The following ADAMTS3 variants were observed in gnomAD, a reference collection of about 807,000 sequenced individuals.
ADAMTS3 encodes the protein A disintegrin and metalloproteinase with thrombospondin motifs 3.
In ADAMTS3, 73 loss-of-function variants were observed where a neutral mutation model predicts 129.0. That is an observed-to-expected ratio of 0.57 (90% confidence interval 0.47 to 0.69). The LOEUF (loss-of-function observed/expected upper bound fraction) is 0.69, where lower values mean the gene tolerates loss of function less well. ADAMTS3 is among the 30% of genes least tolerant of loss of function. The pLI, the probability that ADAMTS3 is intolerant of heterozygous loss-of-function variation, is 0.00. For missense variants in ADAMTS3, 1,457 were observed against 1,514.5 expected, an observed-to-expected ratio of 0.96 and a Z score of 0.63; for synonymous variants, 477 against 510.8, an observed-to-expected ratio of 0.93 and a Z score of 0.89.
intron 3 of ADAMTS3, among the ~76,000 whole-genome samples, chr4:72,451,900 CAA>C (rs1718416920): frequency 6.6e-6 from 1 of 151,696 alleles, no homozygotes; most frequent in South Asian, 2.1e-4. Context: ...AGTTTAAGAG[CAA>C]CCAAAGCAAC....
At chr4:72,519,930 C>G (rs1160453612) in intron 3 of ADAMTS3, among the ~76,000 whole-genome samples, 1 of 152,126 alleles carries the variant, frequency 6.6e-6, no homozygotes, top group Non-Finnish European at 1.5e-5. Flanking sequence ...TTTAGAGTTT[C>G]CAGTTTTTCT....
intron 3 of ADAMTS3, among the ~76,000 whole-genome samples, chr4:72,466,101 A>T (rs977329399): frequency 2.6e-5 from 4 of 152,124 alleles, no homozygotes; most frequent in Admixed American, 6.6e-5. Flanking sequence ...ATAAAAAGGT[A>T]GAATGTGATA....
At chr4:72,372,243 A>G (rs1721028017) in intron 4 of ADAMTS3, among the ~76,000 whole-genome samples, 1 of 152,132 alleles carries the variant, frequency 6.6e-6, no homozygotes, top group African/African-American at 2.4e-5. Flanking sequence ...ATGAAGTAGA[A>G]TTGCAGAAAT....
intron 4 of ADAMTS3, among the ~76,000 whole-genome samples, chr4:72,401,822 A>C (rs991219839): frequency 6.6e-6 from 1 of 152,122 alleles, no homozygotes; most frequent in African/African-American, 2.4e-5. Flanking sequence ...ACAATGCTTG[A>C]AGTAAGCATT....
intron 3 of ADAMTS3, among the ~76,000 whole-genome samples, chr4:72,457,412 T>A (rs552258032): frequency 6.6e-6 from 1 of 151,810 alleles, no homozygotes; most frequent in East Asian, 1.9e-4. Flanking sequence ...CAGAAAGGAA[T>A]GAGAACTACC....
rs566106839 is a variant in ADAMTS3, at chr4:72,316,425, C to T, written c.1486-454G>A. 3.9e-5 allele frequency among the ~76,000 whole-genome samples: 6 copies of T among 152,184 alleles called. No homozygotes were observed. In the East Asian group the frequency reaches 1.2e-3, roughly 29 times the overall value. On this transcript the variant is annotated intron_variant, in intron 10 of 21. Transcript: ENST00000286657. Reference sequence around the variant, plus strand: ...AAAGGGCTGGGCACAGTGGCTCATGCCTGTAATCCCAGCACTTTGGGAGGC... The same window carrying T: ...AAAGGGCTGGGCACAGTGGCTCATGTCTGTAATCCCAGCACTTTGGGAGGC...
intron 3 of ADAMTS3, among the ~76,000 whole-genome samples, chr4:72,436,241 G>T (rs1199000602): frequency 4.6e-5 from 7 of 152,100 alleles, no homozygotes; most frequent in East Asian, 3.9e-4. Context: ...GCAGCCAAAA[G>T]ACACATGAAA....
intron 2 of ADAMTS3, among the ~76,000 whole-genome samples, chr4:72,558,413 C>T (rs898948922): frequency 6.6e-5 from 10 of 151,608 alleles, no homozygotes; most frequent in Non-Finnish European, 1.5e-4. Flanking sequence ...GGACTAAGTC[C>T]TCCTGCTACC....
At chr4:72,542,376 G>C (rs1304264171) in intron 3 of ADAMTS3, among the ~76,000 whole-genome samples, 1 of 152,116 alleles carries the variant, frequency 6.6e-6, no homozygotes, top group African/African-American at 2.4e-5. Flanking sequence ...ACGTTAGCCA[G>C]GATGGTCTCG....
chr4:72,447,022 T>C (rs1718269675), intron 3 of ADAMTS3, among the ~76,000 whole-genome samples: 1 of 151,634 alleles, frequency 6.6e-6, no homozygotes, highest in Non-Finnish European at 1.5e-5. Context: ...ATACAGTAAA[T>C]ACAATAAAGA....
chr4:72,527,002 T>C (rs1022698155), intron 3 of ADAMTS3, among the ~76,000 whole-genome samples: 11 of 152,038 alleles, frequency 7.2e-5, no homozygotes, highest in Non-Finnish European at 8.8e-5. Context: ...ATGATTCCTA[T>C]AAAGGACAGA....
intron 4 of ADAMTS3, among the ~76,000 whole-genome samples, chr4:72,368,581 T>TATGCTA (rs1182797878): frequency 6.6e-6 from 1 of 152,184 alleles, no homozygotes. Context: ...AGAATACAGG[T>TATGCTA]ATGCTAATAA....
rs200657246 is a variant in ADAMTS3, at chr4:72,341,102, G to A, written c.662-1409C>T. Among the ~76,000 whole-genome samples the A allele has an allele frequency of 1.4e-3, 208 of 152,238 alleles. 1 individual carries two copies. The highest frequency in any genetic ancestry group is 4.9e-3 in the African/African-American group (204 of 41,542). The stretch of plus-strand genomic sequence containing the variant: ...GTGGCTTTAATAAAATTAAGACTGG[G>A]AAAAATAGGTGTCTTTTGGCTGGGA... On this transcript the variant is annotated intron_variant, in intron 4 of 21. Coordinates refer to ENST00000286657, the MANE Select transcript of ADAMTS3 (RefSeq NM_014243.3).
At chr4:72,392,375 T>A (rs1200117400) in intron 4 of ADAMTS3, among the ~76,000 whole-genome samples, 1 of 152,176 alleles carries the variant, frequency 6.6e-6, no homozygotes, top group Non-Finnish European at 1.5e-5. Context: ...ATGTATAGCC[T>A]TGTCCATCAC....
intron 3 of ADAMTS3, among the ~76,000 whole-genome samples, chr4:72,430,044 C>T (rs889133539): frequency 6.6e-6 from 1 of 151,984 alleles, no homozygotes; most frequent in Non-Finnish European, 1.5e-5. Context: ...GGCATTTGAA[C>T]CCTATTGTGT....
At chr4:72,420,852 T>C (rs1280209262) in intron 3 of ADAMTS3, among the ~76,000 whole-genome samples, 1 of 152,186 alleles carries the variant, frequency 6.6e-6, no homozygotes, top group African/African-American at 2.4e-5. Context: ...GAGAAAAAGT[T>C]AATGCGTTTT....
intron 3 of ADAMTS3, among the ~76,000 whole-genome samples, chr4:72,546,591 G>C (rs565940612): frequency 3.4e-4 from 52 of 152,074 alleles, no homozygotes; most frequent in Admixed American, 2.0e-4. Flanking sequence ...TCCCTCTGAC[G>C]ACAGTCCAGA....
At chr4:72,310,832 A>T (rs1243764110) in intron 14 of ADAMTS3, among the ~76,000 whole-genome samples, 1 of 152,170 alleles carries the variant, frequency 6.6e-6, no homozygotes. Flanking sequence ...GCTGGAAATT[A>T]GGAAAATTAT....
chr4:72,375,058 A>C (rs746433855), intron 4 of ADAMTS3, among the ~76,000 whole-genome samples: 23 of 151,976 alleles, frequency 1.5e-4, no homozygotes, highest in Non-Finnish European at 1.2e-4. Context: ...TTTCCTCTCT[A>C]TATATTTCTT....
Sources: allele counts gnomAD v4.1 joint callset (sites outside exome capture counted in the v4.1 genomes callset), GRCh38; gene constraint gnomAD v4.1.1; transcripts MANE v1.5; gene names NCBI Gene and HGNC (gene_info 2026-07-23, HGNC 2026-07-21).